Variants in SLC5A3 observed in about 807,000 individuals in gnomAD.
The protein encoded by SLC5A3 is solute carrier family 5 member 3.
In SLC5A3, 10 loss-of-function variants were observed where a neutral mutation model predicts 43.2. That is an observed-to-expected ratio of 0.23 (90% CI 0.14 to 0.39). The LOEUF (loss-of-function observed/expected upper bound fraction) is 0.39. Ranked by LOEUF, SLC5A3 falls within the 10% of genes least tolerant of loss-of-function variation. The pLI is 1.00. For missense variants in SLC5A3, 608 were observed against 893.4 expected (o/e 0.68, Z 4.07); for synonymous variants, 349 against 322.0 (o/e 1.08, Z -0.90).
At chr21:34,073,785 C>T (rs375691852) in intron 1 of SLC5A3, 40 bp downstream of exon 1, 118 of 1,426,000 alleles carry the variant, frequency 8.3e-5, no homozygotes, top group African/African-American at 6.8e-4. Context: ...CCCGCGCGGG[C>T]GCCCCCGCTG....
chr21:34,087,188 C>A (rs145373723), intron 1 of SLC5A3, among the ~76,000 whole-genome samples: 2 of 152,258 alleles, frequency 1.3e-5, no homozygotes, highest in African/African-American at 4.8e-5. Flanking sequence ...GTCCAGTTTG[C>A]CTTGTCATTA....
rs1979394363 is a variant in SLC5A3, at chr21:34,104,556, C to G, written c.*7201C>G. 8.0e-6 allele frequency: 8 copies of G among 998,370 alleles called. No homozygotes were observed. The highest frequency in any genetic ancestry group is 9.7e-6 in the Non-Finnish European group (8 of 828,396). 61.8% of individuals were successfully genotyped at this position (998,370 alleles called of 1,614,324 possible). A position where few individuals can be genotyped will look rare whatever the true frequency, so the allele number is the denominator to read the frequency against. ...AACTCTAATATATCTAGAAGGAAGA[C>G]TATATCTGGTGTAGACTAATATGAG... On this transcript the variant is annotated 3_prime_UTR_variant, in exon 2 of 2. Coordinates refer to ENST00000381151, the MANE Select transcript of SLC5A3 (RefSeq NM_006933.7).
intron 1 of SLC5A3, among the ~76,000 whole-genome samples, chr21:34,091,405 A>G (rs1862215873): frequency 6.6e-6 from 1 of 152,016 alleles, no homozygotes; most frequent in African/African-American, 2.4e-5. Context: ...TGCTGTTTAC[A>G]TATAGTTCCA....
chr21:34,078,118 C>T (rs1407456218), intron 1 of SLC5A3, among the ~76,000 whole-genome samples: 3 of 152,230 alleles, frequency 2.0e-5, no homozygotes, highest in South Asian at 2.1e-4. Context: ...TCAGTTCAAA[C>T]GGAAACATCT....
chr21:34,105,985 A>G lies in SLC5A3; in HGVS notation c.*8630A>G. ...ATGATCTTGGTTTCATGTGTTTTTG[A>G]AAGTGTTATTGTTTAAAAAATGAAA... is the stretch of plus-strand genomic sequence containing the variant. On this transcript the variant is annotated 3_prime_UTR_variant, in exon 2 of 2. Coordinates refer to ENST00000381151, the MANE Select transcript of SLC5A3 (RefSeq NM_006933.7). 1 of 995,254 alleles carries G rather than the reference A, an allele frequency of 1.0e-6. No individual in the cohort carries two copies. The allele number at this position is 995,254 out of a possible 1,614,324, so 61.7% of individuals were successfully genotyped here.
chr21:34,074,018 C>T (rs1206900122), intron 1 of SLC5A3, among the ~76,000 whole-genome samples: 1 of 145,198 alleles, frequency 6.9e-6, no homozygotes, highest in East Asian at 2.0e-4. Context: ...GGGCGGGGGG[C>T]GGGGCGGACC....
chr21:34,094,694 G>C (rs909919629), intron 1 of SLC5A3, among the ~76,000 whole-genome samples, 169 bp from the exon 2 acceptor site: 6 of 152,166 alleles, frequency 3.9e-5, no homozygotes, highest in Non-Finnish European at 5.9e-5. Context: ...TATCAGCTGT[G>C]ATCATATAGA....
In SLC5A3 at chr21:34,105,740, A is replaced by G. The variant is rs1256773478; in HGVS notation, c.*8385A>G. On this transcript the variant is annotated 3_prime_UTR_variant, in exon 2 of 2. Transcript: ENST00000381151. ...ATTTCCAGTTTACCTTCTGTTGTCT[A>G]CAGCTTTTTTAATTTTAAGGTTTGA... 1 of 998,192 alleles carries G rather than the reference A, an allele frequency of 1.0e-6. No individual in the cohort carries two copies. The highest frequency in any genetic ancestry group is 1.2e-6 in the Non-Finnish European group (1 of 828,174). 61.8% of individuals were successfully genotyped at this position (998,192 alleles called of 1,614,324 possible).
At position 34,077,171 on chromosome 21, in the gene SLC5A3, T is replaced by C. The variant is rs185152174; in HGVS notation, c.-337+3426T>C. On this transcript the variant is annotated intron_variant, in intron 1 of 1. Coordinates refer to ENST00000381151, the MANE Select transcript of SLC5A3 (RefSeq NM_006933.7). ...GAAGCCCTTTGGTTTCACTTGATAA[T>C]TAGATTTTAAAGGTTGGTATTTCAG... 1.9e-3 allele frequency among the ~76,000 whole-genome samples: 284 copies of C among 152,310 alleles called. 1 individual carries two copies. The highest frequency in any genetic ancestry group is 6.4e-3 in the African/African-American group (268 of 41,562).
At position 34,079,968 on chromosome 21, in the gene SLC5A3, G is replaced by A. The variant is rs147990978; in HGVS notation, c.-337+6223G>A. ...TCTCTGTCTTCTGTCATCTGGGGCT[G>A]AACAAATGCAGTTCTTTCTTTTCCT... On this transcript the variant is annotated intron_variant, in intron 1 of 1. Transcript: ENST00000381151. 6.1e-3 allele frequency among the ~76,000 whole-genome samples: 934 copies of A among 152,148 alleles called. 6 individuals carry two copies. The highest frequency in any genetic ancestry group is 8.9e-3 in the Non-Finnish European group (605 of 67,992).
rs1432223316 is a variant in SLC5A3 at position 34,080,456 on chromosome 21, C to G, written c.-337+6711C>G. 2.0e-5 allele frequency among the ~76,000 whole-genome samples: 3 copies of G among 152,102 alleles called. No individual in the cohort carries two copies. In the East Asian group the frequency reaches 5.8e-4, roughly 29 times the overall value. On this transcript the variant is annotated intron_variant, in intron 1 of 1. Coordinates refer to ENST00000381151, the MANE Select transcript of SLC5A3 (RefSeq NM_006933.7). ...CTTTTATTTTCTTTGGTGCCGGCAT[C>G]ATGCTGTTTTTCTGTTTGGAACACC...
chr21:34,086,266 A>G (rs1322150593), intron 1 of SLC5A3, among the ~76,000 whole-genome samples: 3 of 152,322 alleles, frequency 2.0e-5, no homozygotes, highest in Middle Eastern at 3.4e-3. Flanking sequence ...GGGATAGATC[A>G]CATCAAGAGG....
At chr21:34,077,440 C>A (rs909560485) in intron 1 of SLC5A3, among the ~76,000 whole-genome samples, 5 of 152,088 alleles carry the variant, frequency 3.3e-5, no homozygotes, top group African/African-American at 1.2e-4. Flanking sequence ...TTATGAAAGC[C>A]CTGGGATAAT....
In SLC5A3 at chr21:34,097,884, G is replaced by T; in HGVS notation, c.*529G>T. 1.0e-6 allele frequency: 1 copy of T among 996,960 alleles called. No individual in the cohort carries two copies. The highest frequency in any genetic ancestry group is 1.2e-6 in the Non-Finnish European group (1 of 827,056). The allele number at this position is 996,960 out of a possible 1,614,324, so 61.8% of individuals were successfully genotyped here. A position where few individuals can be genotyped will look rare whatever the true frequency, so the allele number is the denominator to read the frequency against. On this transcript the variant is annotated 3_prime_UTR_variant, in exon 2 of 2. Transcript: ENST00000381151. Reference sequence around the variant, plus strand: ...CAAGTTCATTTGCCAGGTTCATTTTGTTAGCATGAGCCTACGGATTCTGAT... The same window carrying T: ...CAAGTTCATTTGCCAGGTTCATTTTTTTAGCATGAGCCTACGGATTCTGAT...
In SLC5A3 at chr21:34,103,588, C is replaced by T. The variant is rs569560127; in HGVS notation, c.*6233C>T. ...CATAGAAAGCACAAAATCGTGTTCA[C>T]ACATTAGTGTACCCACACATAGAAA... On this transcript the variant is annotated 3_prime_UTR_variant, in exon 2 of 2. Coordinates refer to ENST00000381151, the MANE Select transcript of SLC5A3 (RefSeq NM_006933.7). 1 of 1,000,162 alleles carries T rather than the reference C, an allele frequency of 1.0e-6. No individual in the cohort carries two copies. The highest frequency in any genetic ancestry group is 1.7e-5 in the African/African-American group (1 of 57,348). The allele number at this position is 1,000,162 out of a possible 1,614,324, so 62.0% of individuals were successfully genotyped here.
Position 34,090,242 on chromosome 21 carries a change from A to G in SLC5A3, c.-336-4621A>G, listed in dbSNP as rs192923283. ...CTCTTTGTGTTACTGATGAACCGCT[A>G]CAGTATCCTTGCTCCACATTTTTAA... is the stretch of plus-strand genomic sequence containing the variant. On this transcript the variant is annotated intron_variant, in intron 1 of 1. Transcript: ENST00000381151. 1.3e-3 allele frequency among the ~76,000 whole-genome samples: 203 copies of G among 152,332 alleles called. 1 individual carries two copies. The highest frequency in any genetic ancestry group is 4.6e-3 in the African/African-American group (191 of 41,578).
Position 34,098,282 on chromosome 21 carries a change from G to C in SLC5A3, c.*927G>C, listed in dbSNP as rs111729559. On this transcript the variant is annotated 3_prime_UTR_variant, in exon 2 of 2. Transcript: ENST00000381151. ...TTCTTGTTATTTGGAAAAATTATTA[G>C]CCAAATGCCTTCCTAGGTGGATCCA... 238 of 999,852 alleles carry C rather than the reference G, an allele frequency of 2.4e-4. No homozygotes were observed. The African/African-American group carries it at 3.8e-3, about 16-fold the overall frequency. 61.9% of individuals were successfully genotyped at this position (999,852 alleles called of 1,614,324 possible).
intron 1 of SLC5A3, among the ~76,000 whole-genome samples, chr21:34,078,848 T>C (rs1459887778): frequency 1.3e-5 from 2 of 152,268 alleles, no homozygotes; most frequent in South Asian, 4.1e-4. Flanking sequence ...TCCTATTTAA[T>C]GTTCTTAGCT....
intron 1 of SLC5A3, among the ~76,000 whole-genome samples, chr21:34,089,734 C>G (rs1336646908): frequency 6.6e-6 from 1 of 152,130 alleles, no homozygotes; most frequent in Admixed American, 6.5e-5. Flanking sequence ...GGGCCGCAGT[C>G]CCTCCCTACT....
Sources: allele counts gnomAD v4.1 joint callset (sites outside exome capture counted in the v4.1 genomes callset), GRCh38; gene constraint gnomAD v4.1.1; transcripts MANE v1.5; gene names NCBI Gene and HGNC (gene_info 2026-07-23, HGNC 2026-07-21).